Variants in RARB observed in about 807,000 individuals in gnomAD.
RARB encodes the protein retinoic acid receptor beta.
A neutral mutation model predicts 51.9 loss-of-function variants in RARB; 17 were observed. The ratio of observed to expected loss-of-function variants is 0.33; its 90% CI spans 0.22 to 0.49. RARB has a LOEUF of 0.49. Ranked by LOEUF, RARB falls within the 20% of genes least tolerant of loss-of-function variation. RARB has a pLI of 0.99. For missense variants in RARB, 369 were observed against 550.8 expected, an observed-to-expected ratio of 0.67 and a Z score of 3.30; for synonymous variants, 215 against 195.4, an observed-to-expected ratio of 1.10 and a Z score of -0.84.
At chr3:25,213,077 T>A (rs1428438038) in intron 5 of RARB, among the ~76,000 whole-genome samples, 1 of 152,186 alleles carries the variant, frequency 6.6e-6, no homozygotes. Context: ...CAGTATTTTT[T>A]TAACTGTTAA....
chr3:24,921,135 A>T (rs1343244093), intron 2 of RARB, among the ~76,000 whole-genome samples: 2 of 151,872 alleles, frequency 1.3e-5, no homozygotes, highest in African/African-American at 2.4e-5. Flanking sequence ...GAGAATTCTG[A>T]TTTTTTTTCA....
At chr3:24,852,326 G>A (rs1277371242) in intron 1 of RARB, among the ~76,000 whole-genome samples, 1 of 152,130 alleles carries the variant, frequency 6.6e-6, no homozygotes, top group African/African-American at 2.4e-5. Flanking sequence ...AGAGACTGTG[G>A]CTCCACACCG....
intron 5 of RARB, among the ~76,000 whole-genome samples, chr3:25,261,599 T>C (rs1009249098): frequency 6.6e-5 from 10 of 152,120 alleles, no homozygotes; most frequent in Non-Finnish European, 1.2e-4. Flanking sequence ...CTTCCACTAA[T>C]TCAGGTTACA....
chr3:25,461,175 A>T lies in RARB; in HGVS notation c.158-18A>T, dbSNP rs1358887293. On this transcript the variant is annotated intron_variant, in intron 1 of 7. Transcript: ENST00000330688. Reference sequence around the variant, plus strand: ...TACATTTTCTCTTTTTTCTCCCTCTACCCCATCTCTATTATAGCAATTGAA... The same window carrying T: ...TACATTTTCTCTTTTTTCTCCCTCTTCCCCATCTCTATTATAGCAATTGAA... The T allele has an allele frequency of 6.4e-7, 1 of 1,554,082 alleles. No homozygotes were observed. Among genetic ancestry groups the T allele is most frequent in the Admixed American group, 2.0e-5 (1 of 48,858 alleles).
At chr3:25,098,097 T>A (rs748184578) in intron 3 of RARB, among the ~76,000 whole-genome samples, 2 of 152,146 alleles carry the variant, frequency 1.3e-5, no homozygotes, top group Non-Finnish European at 2.9e-5. Context: ...GCTATGAGTT[T>A]TCACCAAGAG....
intron 3 of RARB, among the ~76,000 whole-genome samples, chr3:25,115,550 C>T (rs1009547371): frequency 4.6e-5 from 7 of 151,938 alleles, no homozygotes; most frequent in Non-Finnish European, 1.0e-4. Flanking sequence ...TCCTTCTTTG[C>T]TTCTTTTCTC....
intron 3 of RARB, among the ~76,000 whole-genome samples, chr3:25,551,803 A>T (rs1242411511): frequency 6.6e-6 from 1 of 152,192 alleles, no homozygotes; most frequent in East Asian, 1.9e-4. Flanking sequence ...GGATCCCAGG[A>T]TGCAGATGTC....
chr3:25,417,933 G>A (rs1707751558), intron 5 of RARB, among the ~76,000 whole-genome samples: 1 of 152,212 alleles, frequency 6.6e-6, no homozygotes, highest in African/African-American at 2.4e-5. Context: ...GACATTCAGG[G>A]AGCCAGGTTC....
intron 3 of RARB, among the ~76,000 whole-genome samples, chr3:25,106,872 T>C (rs1699515848): frequency 6.7e-6 from 1 of 148,988 alleles, no homozygotes; most frequent in Admixed American, 7.0e-5. Flanking sequence ...ATTCCATTTT[T>C]TTCTAAAACT....
chr3:25,083,371 T>C (rs1371177244), intron 3 of RARB, among the ~76,000 whole-genome samples: 1 of 152,162 alleles, frequency 6.6e-6, no homozygotes, highest in Non-Finnish European at 1.5e-5. Context: ...TGATTTTAGA[T>C]AGCTTCCTGT....
chr3:25,328,825 T>G (rs1029934792), intron 5 of RARB, among the ~76,000 whole-genome samples: 9 of 152,200 alleles, frequency 5.9e-5, no homozygotes, highest in African/African-American at 2.2e-4. Context: ...ACTGCCACCC[T>G]AATACTGTGC....
At chr3:24,956,254 G>C (rs1361485374) in intron 2 of RARB, among the ~76,000 whole-genome samples, 9 of 152,158 alleles carry the variant, frequency 5.9e-5, no homozygotes, top group Non-Finnish European at 1.2e-4. Flanking sequence ...GGACAATGAA[G>C]ATAATAATCA....
intron 2 of RARB, among the ~76,000 whole-genome samples, chr3:24,879,261 C>G (rs549233545): frequency 6.6e-6 from 1 of 151,768 alleles, no homozygotes. Context: ...AACCCCATCT[C>G]TACTAAAAAT....
chr3:25,247,371 A>T (rs558026408), intron 5 of RARB, among the ~76,000 whole-genome samples: 1 of 152,284 alleles, frequency 6.6e-6, no homozygotes, highest in East Asian at 1.9e-4. Flanking sequence ...TGGGATACAA[A>T]CAAAAACTCT....
chr3:25,187,432 T>A (rs1701004550), intron 5 of RARB, among the ~76,000 whole-genome samples: 1 of 152,090 alleles, frequency 6.6e-6, no homozygotes, highest in Non-Finnish European at 1.5e-5. Flanking sequence ...TTTTAAGTGA[T>A]TAAGTATTCA....
At chr3:24,921,085 A>C (rs181049319) in intron 2 of RARB, among the ~76,000 whole-genome samples, 1 of 152,306 alleles carries the variant, frequency 6.6e-6, no homozygotes, top group African/African-American at 2.4e-5. Flanking sequence ...TCTGTTCTAT[A>C]GACAGTGATT....
At chr3:24,881,979 T>C (rs1394617558) in intron 2 of RARB, among the ~76,000 whole-genome samples, 1 of 152,176 alleles carries the variant, frequency 6.6e-6, no homozygotes, top group African/African-American at 2.4e-5. Flanking sequence ...TACGTAATTA[T>C]GTGCCACATG....
intron 3 of RARB, among the ~76,000 whole-genome samples, chr3:25,559,077 G>A (rs1700167797): frequency 6.6e-6 from 1 of 151,720 alleles, no homozygotes; most frequent in African/African-American, 2.4e-5. Context: ...TCCCCTTTTG[G>A]CCTCCTGAAT....
chr3:25,529,384 A>T (rs1429835057), intron 3 of RARB, among the ~76,000 whole-genome samples: 2 of 151,850 alleles, frequency 1.3e-5, no homozygotes, highest in African/African-American at 4.8e-5. Context: ...TAGTAGAAAA[A>T]CATGGATGAG....
Sources: gnomAD v4.1 joint callset for allele counts (sites outside exome capture counted in the v4.1 genomes callset) on GRCh38, gnomAD v4.1.1 for gene constraint, MANE v1.5 for transcripts, NCBI Gene and HGNC (gene_info 2026-07-23, HGNC 2026-07-21) for gene names.